The following CSMD1 variants were observed in gnomAD, a reference collection of about 807,000 sequenced individuals.
CSMD1 encodes the protein CUB and sushi domain-containing protein 1.
Under a neutral mutation model 417.5 loss-of-function variants are expected in CSMD1, and 213 were observed. That is an observed-to-expected ratio of 0.51 (90% confidence interval 0.46 to 0.57). The LOEUF (loss-of-function observed/expected upper bound fraction) is 0.57. Ranked by LOEUF, CSMD1 falls within the 20% of genes least tolerant of loss-of-function variation. The pLI, the probability that CSMD1 is intolerant of heterozygous loss-of-function variation, is 0.00. For synonymous variants in CSMD1, 2,862 were observed against 1,736.8 expected, an observed-to-expected ratio of 1.65 and a Z score of -16.11; for missense variants, 6,923 against 4,529.7, an observed-to-expected ratio of 1.53 and a Z score of -15.17.
intron 20 of CSMD1, among the ~76,000 whole-genome samples, chr8:3,363,930 G>A (rs970221502): frequency 6.6e-6 from 1 of 152,100 alleles, no homozygotes; most frequent in African/African-American, 2.4e-5. Flanking sequence ...GGAATACGGG[G>A]CTCTTTTTCT....
intron 2 of CSMD1, among the ~76,000 whole-genome samples, chr8:4,456,542 C>T (rs1799499457): frequency 6.6e-6 from 1 of 152,164 alleles, no homozygotes; most frequent in Non-Finnish European, 1.5e-5. Flanking sequence ...TCAGTAGTGA[C>T]ACCACTTTGG....
At chr8:4,702,432 T>C (rs1034281472) in intron 1 of CSMD1, among the ~76,000 whole-genome samples, 2 of 152,158 alleles carry the variant, frequency 1.3e-5, no homozygotes, top group Admixed American at 6.5e-5. Context: ...TAAGATGACA[T>C]CTTGAAGTTC....
intron 2 of CSMD1, among the ~76,000 whole-genome samples, chr8:4,491,239 GAAGA>G (rs1452367186): frequency 1.3e-5 from 2 of 152,102 alleles, no homozygotes; most frequent in Non-Finnish European, 2.9e-5. Context: ...ATACTAAAAA[GAAGA>G]AAGAAATGAA....
At chr8:3,750,009 A>C (rs147250108) in intron 6 of CSMD1, among the ~76,000 whole-genome samples, 2,690 of 152,168 alleles carry the variant, frequency 0.018, 40 homozygotes, top group African/African-American at 0.03. Context: ...TCAGATTTCT[A>C]CCAATAGTGC....
At position 4,787,199 on chromosome 8, in the gene CSMD1, CGGGGCCCCGCCAGGGGGCGCGCCTG is replaced by C. The variant is rs563059693; in HGVS notation, c.86-149666_86-149642del. ...GCTCGGAAAGAGTGGCGCAGGGTCG[CGGGGCCCCGCCAGGGGGCGCGCCTG>C]GGGGCCGCGCCTCCTTCCCCGCCCA... is the stretch of plus-strand genomic sequence containing the variant. On this transcript the variant is annotated intron_variant, in intron 1 of 69. Transcript: ENST00000635120. 1.6e-3 allele frequency: 708 copies of C among 452,122 alleles called. 1 individual carries two copies. Among genetic ancestry groups the C allele is most frequent in the Middle Eastern group, 3.3e-3 (5 of 1,522 alleles). 28.0% of individuals were successfully genotyped at this position (452,122 alleles called of 1,614,324 possible). A position where few individuals can be genotyped will look rare whatever the true frequency, so the allele number is the denominator to read the frequency against.
At chr8:4,165,553 C>T (rs1584942719) in intron 3 of CSMD1, among the ~76,000 whole-genome samples, 1 of 152,104 alleles carries the variant, frequency 6.6e-6, no homozygotes, top group African/African-American at 2.4e-5. Context: ...TCCGGTGCAC[C>T]ACCATGCCCA....
intron 5 of CSMD1, among the ~76,000 whole-genome samples, chr8:3,757,762 T>C (rs1400794586): frequency 6.6e-6 from 1 of 151,720 alleles, no homozygotes; most frequent in Non-Finnish European, 1.5e-5. Context: ...GGCAAGAGAA[T>C]TGCTTGAACC....
chr8:4,468,327 G>A (rs568314344), intron 2 of CSMD1, among the ~76,000 whole-genome samples: 2 of 151,992 alleles, frequency 1.3e-5, no homozygotes, highest in Admixed American at 1.3e-4. Flanking sequence ...TGGGCGATAG[G>A]CCTTTTTAAA....
intron 5 of CSMD1, among the ~76,000 whole-genome samples, chr8:3,770,614 G>A (rs1481193628): frequency 6.6e-6 from 1 of 152,136 alleles, no homozygotes; most frequent in African/African-American, 2.4e-5. Flanking sequence ...CATAAATGAA[G>A]GGAAGAAGGG....
intron 2 of CSMD1, among the ~76,000 whole-genome samples, chr8:4,453,497 T>A (rs1173670451): frequency 6.6e-6 from 1 of 152,176 alleles, no homozygotes; most frequent in Non-Finnish European, 1.5e-5. Flanking sequence ...AAGCCATGCA[T>A]CCTTCAGGCC....
chr8:4,643,392 G>C (rs1803326387), intron 1 of CSMD1, among the ~76,000 whole-genome samples: 1 of 152,160 alleles, frequency 6.6e-6, no homozygotes, highest in Admixed American at 6.5e-5. Context: ...GACCTCCAAA[G>C]CATCTTTCAT....
At chr8:3,538,847 G>A (rs1798316863) in intron 10 of CSMD1, among the ~76,000 whole-genome samples, 1 of 152,164 alleles carries the variant, frequency 6.6e-6, no homozygotes, top group South Asian at 2.1e-4. Context: ...GAGTGCTGCT[G>A]CGGTCTTCCT....
At chr8:4,823,567 C>T (rs1332196752) in intron 1 of CSMD1, among the ~76,000 whole-genome samples, 1 of 152,050 alleles carries the variant, frequency 6.6e-6, no homozygotes, top group Non-Finnish European at 1.5e-5. Flanking sequence ...AGTATATGAG[C>T]CCAGTACACA....
At chr8:3,308,558 A>AAAAC (rs1805073226) in intron 23 of CSMD1, 55 bp from the exon 24 acceptor site, 7 of 1,440,818 alleles carry the variant, frequency 4.9e-6, no homozygotes, top group Non-Finnish European at 6.7e-6. Context: ...CATCTGCCTT[A>AAAAC]AAACAGAGAT....
At chr8:4,859,457 A>T (rs368696071) in intron 1 of CSMD1, among the ~76,000 whole-genome samples, 1 of 152,210 alleles carries the variant, frequency 6.6e-6, no homozygotes, top group African/African-American at 2.4e-5. Flanking sequence ...AGAAACTACC[A>T]TCAGAGTGAA....
intron 23 of CSMD1, among the ~76,000 whole-genome samples, chr8:3,342,622 T>A (rs1221889090): frequency 1.3e-5 from 2 of 152,220 alleles, no homozygotes; most frequent in African/African-American, 4.8e-5. Context: ...ATTTCCCTGT[T>A]CTTTTGGCTT....
intron 3 of CSMD1, among the ~76,000 whole-genome samples, chr8:4,408,867 T>A (rs909153138): frequency 2.6e-5 from 4 of 152,204 alleles, no homozygotes; most frequent in African/African-American, 9.6e-5. Context: ...TACTTACGTT[T>A]AGAAACACAG....
chr8:3,202,806 C>G (rs1209097745), intron 31 of CSMD1, among the ~76,000 whole-genome samples: 1 of 152,146 alleles, frequency 6.6e-6, no homozygotes, highest in Non-Finnish European at 1.5e-5. Context: ...GTAACCAACT[C>G]CATACACACA....
chr8:4,548,628 C>T (rs1797734147), intron 2 of CSMD1, among the ~76,000 whole-genome samples: 1 of 151,884 alleles, frequency 6.6e-6, no homozygotes, highest in African/African-American at 2.4e-5. Flanking sequence ...GGCTTTTTTT[C>T]CCCACAGAAT....
Sources: allele counts gnomAD v4.1 joint callset (sites outside exome capture counted in the v4.1 genomes callset), GRCh38; gene constraint gnomAD v4.1.1; transcripts MANE v1.5; gene names NCBI Gene and HGNC (gene_info 2026-07-23, HGNC 2026-07-21).